The following ARHGEF3 variants were observed in gnomAD, a reference collection of about 807,000 sequenced individuals.
ARHGEF3 encodes 59.8 kDA protein.
In ARHGEF3, 28 loss-of-function variants were observed where a neutral mutation model predicts 63.2. The ratio of observed to expected loss-of-function variants is 0.44; its 90% CI spans 0.33 to 0.61. The LOEUF (loss-of-function observed/expected upper bound fraction) is 0.61. Ranked by LOEUF, ARHGEF3 falls within the 20% of genes least tolerant of loss-of-function variation. The pLI is 0.03. For missense variants in ARHGEF3, 533 were observed against 659.3 expected (o/e 0.81, Z 2.10); for synonymous variants, 266 against 254.2 (o/e 1.05, Z -0.44).
At chr3:56,959,857 G>A (rs112013765) in intron 2 of ARHGEF3, among the ~76,000 whole-genome samples, 17,548 of 152,150 alleles carry the variant, frequency 0.12, 1,267 homozygotes, top group East Asian at 0.25. Context: ...GGGCACCTGT[G>A]ATCACAGCTA....
At chr3:56,816,896 C>A (rs2038293501) in intron 4 of ARHGEF3, among the ~76,000 whole-genome samples, 1 of 152,162 alleles carries the variant, frequency 6.6e-6, no homozygotes, top group African/African-American at 2.4e-5. Context: ...GGATTTGAGC[C>A]TATATGATAT....
At chr3:56,984,515 TATTAAA>T (rs1701459232) in intron 2 of ARHGEF3, among the ~76,000 whole-genome samples, 1 of 152,102 alleles carries the variant, frequency 6.6e-6, no homozygotes, top group South Asian at 2.1e-4. Flanking sequence ...GCAATGATTA[TATTAAA>T]ATACTGGACG....
At chr3:56,915,256 G>A (rs115225047) in intron 3 of ARHGEF3, among the ~76,000 whole-genome samples, 4,545 of 151,730 alleles carry the variant, frequency 0.03, 226 homozygotes, top group African/African-American at 0.1. Context: ...TGAGCTCAGA[G>A]TTTAAGATGA....
intron 2 of ARHGEF3, among the ~76,000 whole-genome samples, chr3:57,026,459 A>G (rs1014470809): frequency 6.6e-6 from 1 of 152,194 alleles, no homozygotes; most frequent in African/African-American, 2.4e-5. Flanking sequence ...CTCTAAGCCC[A>G]GTGCTTAACT....
At chr3:56,892,067 C>A (rs2041141723) in intron 3 of ARHGEF3, among the ~76,000 whole-genome samples, 1 of 152,112 alleles carries the variant, frequency 6.6e-6, no homozygotes, top group Non-Finnish European at 1.5e-5. Flanking sequence ...GGAGACCTAG[C>A]CAGCCTGACA....
intron 4 of ARHGEF3, among the ~76,000 whole-genome samples, chr3:56,862,926 T>C (rs1001073784): frequency 6.6e-6 from 1 of 152,254 alleles, no homozygotes; most frequent in African/African-American, 2.4e-5. Context: ...TTGGTTTTGT[T>C]TTTCTAGTGA....
intron 3 of ARHGEF3, chr3:56,916,347 G>C: frequency 6.5e-7 from 1 of 1,535,132 alleles, no homozygotes; most frequent in Middle Eastern, 1.7e-4. Flanking sequence ...ACCATGGGGC[G>C]CTCTGACCTC....
At chr3:56,980,728 C>T (rs1336535790) in intron 2 of ARHGEF3, among the ~76,000 whole-genome samples, 1 of 152,234 alleles carries the variant, frequency 6.6e-6, no homozygotes, top group Non-Finnish European at 1.5e-5. Context: ...AGTATGTTCT[C>T]CTACGAGTGG....
chr3:56,758,385 TTC>T (rs1290288726), intron 2 of ARHGEF3, among the ~76,000 whole-genome samples: 10 of 151,616 alleles, frequency 6.6e-5, no homozygotes, highest in Non-Finnish European at 1.3e-4. Flanking sequence ...AGCTGAGGAG[TTC>T]GAGACCACTC....
intron 2 of ARHGEF3, among the ~76,000 whole-genome samples, chr3:56,967,419 C>CATATTATATATTATATAAT (rs1298113689): frequency 1.6e-5 from 1 of 62,164 alleles, no homozygotes; most frequent in Non-Finnish European, 2.7e-5. Context: ...ATATATTATA[C>CATATTATATATTATATAAT]ATATTATATA....
intron 2 of ARHGEF3, among the ~76,000 whole-genome samples, chr3:56,972,820 G>A (rs896187968): frequency 1.3e-5 from 2 of 151,926 alleles, no homozygotes; most frequent in African/African-American, 4.8e-5. Context: ...GGAGGATTCC[G>A]AGCAGAAAAC....
chr3:56,738,268 G>A (rs546186229), intron 7 of ARHGEF3, among the ~76,000 whole-genome samples: 2 of 152,168 alleles, frequency 1.3e-5, no homozygotes, highest in African/African-American at 4.8e-5. Context: ...TCGATCTCTT[G>A]ACCTTGTGAT....
chr3:56,842,141 A>C (rs1314002812), intron 4 of ARHGEF3, among the ~76,000 whole-genome samples: 4 of 152,226 alleles, frequency 2.6e-5, no homozygotes. Flanking sequence ...ATTTGAACTC[A>C]GTTCCTCCCC....
chr3:56,747,323 A>T (rs1333925338), intron 6 of ARHGEF3, among the ~76,000 whole-genome samples: 1 of 152,126 alleles, frequency 6.6e-6, no homozygotes, highest in African/African-American at 2.4e-5. Context: ...GCTCCCTGTG[A>T]TCCTGCTGCC....
chr3:56,858,662 G>C (rs1395667264), intron 4 of ARHGEF3, among the ~76,000 whole-genome samples: 3 of 152,234 alleles, frequency 2.0e-5, no homozygotes, highest in Admixed American at 6.5e-5. Flanking sequence ...AATGGCCTTT[G>C]CAAGGAGGTG....
At chr3:57,069,411 ATTGT>A (rs1450251274) in intron 1 of ARHGEF3, among the ~76,000 whole-genome samples, 73 of 147,810 alleles carry the variant, frequency 4.9e-4, no homozygotes, top group Middle Eastern at 3.5e-3. Flanking sequence ...ACACACACAC[ATTGT>A]TTGTTTAAAA....
chr3:56,871,262 G>T (rs750840102), intron 4 of ARHGEF3, among the ~76,000 whole-genome samples: 1 of 151,918 alleles, frequency 6.6e-6, no homozygotes, highest in Non-Finnish European at 1.5e-5. Context: ...GTAAATGAAA[G>T]ATATGACATT....
chr3:56,893,072 G>A lies in ARHGEF3; in HGVS notation c.130-10718C>T, dbSNP rs553221238. Among the ~76,000 whole-genome samples, 3 of 152,310 alleles carry A rather than the reference G, an allele frequency of 2.0e-5. No homozygotes were observed. In the South Asian group the frequency reaches 6.2e-4, roughly 32 times the overall value. On this transcript the variant is annotated intron_variant, in intron 3 of 12. Coordinates refer to the ARHGEF3 transcript ENST00000338458. ...AGGTTCCCTTGTACAACCATTTGGTGTTGTCTACCATATAAAAACTCACAA... is the reference window on the plus strand; with the variant it reads ...AGGTTCCCTTGTACAACCATTTGGTATTGTCTACCATATAAAAACTCACAA...
chr3:56,730,032 C>G (rs2033019361), intron 9 of ARHGEF3, among the ~76,000 whole-genome samples: 1 of 152,082 alleles, frequency 6.6e-6, no homozygotes. Context: ...TCAGCCTGAG[C>G]AATATAGTGA....
Sources: gnomAD v4.1 joint callset for allele counts (sites outside exome capture counted in the v4.1 genomes callset) on GRCh38, gnomAD v4.1.1 for gene constraint, MANE v1.5 for transcripts, NCBI Gene and HGNC (gene_info 2026-07-23, HGNC 2026-07-21) for gene names.